The following FAIM2 variants were observed in gnomAD, a reference collection of about 807,000 sequenced individuals.
FAIM2 encodes Fas apoptotic inhibitory molecule 2, also known as protein lifeguard 2.
In FAIM2, 27 loss-of-function variants were observed where a neutral mutation model predicts 47.4. The ratio of observed to expected loss-of-function variants is 0.57; its 90% CI spans 0.42 to 0.78. The LOEUF (loss-of-function observed/expected upper bound fraction) is 0.78, where lower values mean the gene tolerates loss of function less well. Ranked by LOEUF, FAIM2 falls within the 30% of genes least tolerant of loss-of-function variation. The pLI is 0.00. For missense variants in FAIM2, 311 were observed against 389.4 expected (o/e 0.80, Z 1.69); for synonymous variants, 156 against 159.3 (o/e 0.98, Z 0.16).
chr12:49,898,799 A>G (rs1248333646), intron 2 of FAIM2, among the ~76,000 whole-genome samples: 1 of 152,106 alleles, frequency 6.6e-6, no homozygotes, highest in Non-Finnish European at 1.5e-5. Context: ...AAGTGCTGGG[A>G]TTACAGGTAT....
chr12:49,903,811 A>AG lies in FAIM2; in HGVS notation c.-20dup. ...GGGTCATGGTGCCGTCTCTCGGGGA[A>AG]GGGGTCCCTGAGGCCCGGGTGGCCG... On this transcript the variant is annotated 5_prime_UTR_variant, in exon 1 of 12. Coordinates refer to ENST00000320634, the MANE Select transcript of FAIM2 (RefSeq NM_012306.4). 1.3e-6 allele frequency: 2 copies of AG among 1,539,274 alleles called. No homozygotes were observed. Among genetic ancestry groups the AG allele is most frequent in the Non-Finnish European group, 1.8e-6 (2 of 1,141,378 alleles).
intron 4 of FAIM2, 38 bp from the exon 5 acceptor site, chr12:49,897,122 T>C: frequency 6.6e-7 from 1 of 1,514,422 alleles, no homozygotes; most frequent in African/African-American, 1.4e-5. Context: ...AGTCAGAATG[T>C]ACCCTAGGTC....
intron 11 of FAIM2, among the ~76,000 whole-genome samples, chr12:49,871,604 T>G (rs1044160807): frequency 6.6e-6 from 1 of 152,146 alleles, no homozygotes; most frequent in Non-Finnish European, 1.5e-5. Context: ...AGTCCACCAG[T>G]ATCTCAAAGG....
In FAIM2 at chr12:49,889,578, G is replaced by T; in HGVS notation, c.564-10C>A. On this transcript the variant is annotated splice_polypyrimidine_tract_variant and intron_variant, in intron 8 of 11. Transcript: ENST00000320634. ...GGTGGTGTTGTAGTAGCTGAGGACC[G>T]TCAGGCCGAGGGGTCAGCTCTCAGG... The T allele has an allele frequency of 6.2e-7, 1 of 1,612,546 alleles. No individual in the cohort carries two copies. Among genetic ancestry groups the T allele is most frequent in the Non-Finnish European group, 8.5e-7 (1 of 1,178,654 alleles).
At chr12:49,883,747 C>A (rs755786768) in intron 11 of FAIM2, among the ~76,000 whole-genome samples, 2 of 151,992 alleles carry the variant, frequency 1.3e-5, no homozygotes, top group Admixed American at 6.6e-5. Flanking sequence ...GCTGTAGAAA[C>A]GCCTGGGTGG....
chr12:49,897,856 G>C, intron 3 of FAIM2, 131 bp downstream of exon 3: 2 of 713,272 alleles, frequency 2.8e-6, no homozygotes, highest in South Asian at 3.3e-5. Context: ...ATTCCTAGTG[G>C]GTGCTGTCAG....
At chr12:49,871,238 AG>A (rs908347761) in intron 11 of FAIM2, among the ~76,000 whole-genome samples, 1 of 152,220 alleles carries the variant, frequency 6.6e-6, no homozygotes, top group Non-Finnish European at 1.5e-5. Flanking sequence ...TATTAGCTAA[AG>A]GTTACACAGC....
intron 2 of FAIM2, among the ~76,000 whole-genome samples, chr12:49,898,646 C>T (rs531914476): frequency 6.6e-6 from 1 of 152,318 alleles, no homozygotes; most frequent in East Asian, 1.9e-4. Context: ...CCCACCTCAA[C>T]CTCCCGAGTA....
intron 9 of FAIM2, 134 bp from the exon 10 acceptor site, chr12:49,889,336 C>A: frequency 1.0e-6 from 1 of 959,086 alleles, no homozygotes; most frequent in South Asian, 1.4e-5. Flanking sequence ...CCTCCTCCCC[C>A]TCATCAGGTG....
At chr12:49,870,706 A>G in intron 11 of FAIM2, 53 bp from the exon 12 acceptor site, 3 of 1,587,958 alleles carry the variant, frequency 1.9e-6, no homozygotes, top group Non-Finnish European at 1.7e-6. Flanking sequence ...GCAGTGTGAC[A>G]CTGACTATGG....
At chr12:49,894,861 T>C (rs1565619229) in intron 5 of FAIM2, among the ~76,000 whole-genome samples, 1 of 152,172 alleles carries the variant, frequency 6.6e-6, no homozygotes, top group South Asian at 2.1e-4. Flanking sequence ...GAAAAACACA[T>C]GTGAAGTGCT....
intron 11 of FAIM2, among the ~76,000 whole-genome samples, chr12:49,878,852 ATGTGTG>A (rs145337057): frequency 3.8e-5 from 4 of 104,064 alleles, no homozygotes; most frequent in African/African-American, 8.6e-5. Context: ...GCATGTGTGT[ATGTGTG>A]TGTCTGTGCA....
chr12:49,903,454 T>G (rs1368595214), intron 1 of FAIM2, among the ~76,000 whole-genome samples: 2 of 152,320 alleles, frequency 1.3e-5, no homozygotes, highest in East Asian at 1.9e-4. Context: ...CACATACCCA[T>G]GCACACACAT....
chr12:49,878,429 T>C (rs1472287969), intron 11 of FAIM2, among the ~76,000 whole-genome samples: 1 of 120,020 alleles, frequency 8.3e-6, no homozygotes, highest in Non-Finnish European at 1.7e-5. Flanking sequence ...TGTGTGTATA[T>C]GTGCAAGTGT....
intron 8 of FAIM2, 54 bp from the exon 9 acceptor site, chr12:49,889,622 C>T: frequency 6.9e-7 from 1 of 1,456,438 alleles, no homozygotes; most frequent in African/African-American, 1.4e-5. Flanking sequence ...CTGGTCTCCC[C>T]CACCCTCCTA....
chr12:49,891,350 G>T (rs1402074416), intron 5 of FAIM2, among the ~76,000 whole-genome samples: 2 of 152,210 alleles, frequency 1.3e-5, no homozygotes, highest in Non-Finnish European at 2.9e-5. Context: ...TGGGTCACAT[G>T]AGACAGCTGT....
Position 49,871,324 on chromosome 12 carries a change from C to T in FAIM2, c.802-671G>A, listed in dbSNP as rs150570542. 1.4e-3 allele frequency among the ~76,000 whole-genome samples: 210 copies of T among 152,338 alleles called. 1 individual carries two copies. The highest frequency in any genetic ancestry group is 5.0e-3 in the African/African-American group (206 of 41,572). ...CCCCAGGTGTAAACATTCTGCCCTGCTGCTAACAGCACCCGGGGTTAATGC... is the reference window on the plus strand; with the variant it reads ...CCCCAGGTGTAAACATTCTGCCCTGTTGCTAACAGCACCCGGGGTTAATGC... On this transcript the variant is annotated intron_variant, in intron 11 of 11. Transcript: ENST00000320634.
chr12:49,898,220 C>T (rs1056002094), intron 2 of FAIM2, 130 bp from the exon 3 acceptor site: 5 of 348,504 alleles, frequency 1.4e-5, no homozygotes, highest in Non-Finnish European at 2.7e-5. Flanking sequence ...TTCTCTCCTG[C>T]CCCATTATCA....
intron 11 of FAIM2, among the ~76,000 whole-genome samples, chr12:49,877,626 G>GATTTGTGTGGCCATGT (rs1946745697): frequency 9.9e-5 from 1 of 10,136 alleles, no homozygotes; most frequent in African/African-American, 1.1e-3. Context: ...GAAAAGCAGG[G>GATTTGTGTGGCCATGT]TGAGGGGTTG....
Sources: allele counts gnomAD v4.1 joint callset (sites outside exome capture counted in the v4.1 genomes callset), GRCh38; gene constraint gnomAD v4.1.1; transcripts MANE v1.5; gene names NCBI Gene and HGNC (gene_info 2026-07-23, HGNC 2026-07-21).